AMBRA1: variants seen among roughly 807,000 people sequenced by gnomAD.
AMBRA1 encodes the protein autophagy and beclin 1 regulator 1.
In AMBRA1, 47 loss-of-function variants were observed where a neutral mutation model predicts 125.4. That is an observed-to-expected ratio of 0.37 (90% confidence interval 0.30 to 0.48). The LOEUF (loss-of-function observed/expected upper bound fraction) is 0.48, where lower values mean the gene tolerates loss of function less well. Ranked by LOEUF, AMBRA1 falls within the 20% of genes least tolerant of loss-of-function variation. AMBRA1 has a pLI of 0.99. For synonymous variants in AMBRA1, 626 were observed against 655.5 expected (o/e 0.95, Z 0.69); for missense variants, 1,331 against 1,693.4 (o/e 0.79, Z 3.76).
chr11:46,467,353 T>C (rs1348138994), intron 11 of AMBRA1, among the ~76,000 whole-genome samples: 1 of 152,228 alleles, frequency 6.6e-6, no homozygotes, highest in African/African-American at 2.4e-5. Flanking sequence ...TTATTTACAG[T>C]ATTATAACTA....
At chr11:46,591,624 A>G (rs2044596736) in intron 1 of AMBRA1, among the ~76,000 whole-genome samples, 1 of 152,118 alleles carries the variant, frequency 6.6e-6, no homozygotes, top group African/African-American at 2.4e-5. Context: ...TGGGAGGCCA[A>G]GGCAGGTGGA....
chr11:46,499,804 C>A (rs561630883), intron 9 of AMBRA1, among the ~76,000 whole-genome samples: 4 of 151,996 alleles, frequency 2.6e-5, no homozygotes, highest in Non-Finnish European at 5.9e-5. Flanking sequence ...TACAGGCGCC[C>A]GCCACCACGC....
At chr11:46,457,321 A>T (rs892662288) in intron 11 of AMBRA1, among the ~76,000 whole-genome samples, 4 of 152,190 alleles carry the variant, frequency 2.6e-5, no homozygotes, top group Non-Finnish European at 5.9e-5. Context: ...AGGGCTAACA[A>T]ATCCCACAGA....
intron 1 of AMBRA1, among the ~76,000 whole-genome samples, chr11:46,551,321 AT>A (rs2042989584): frequency 6.6e-6 from 1 of 151,834 alleles, no homozygotes; most frequent in Non-Finnish European, 1.5e-5. Flanking sequence ...CTTTATTTTT[AT>A]TTTTTAAAGA....
intron 1 of AMBRA1, among the ~76,000 whole-genome samples, chr11:46,578,863 C>T (rs1314740627): frequency 2.8e-5 from 3 of 105,548 alleles, no homozygotes; most frequent in African/African-American, 7.5e-5. Context: ...CCAGCCTGGG[C>T]GACAGAGAGA....
chr11:46,427,246 A>G (rs1947184598), intron 14 of AMBRA1, among the ~76,000 whole-genome samples: 1 of 152,166 alleles, frequency 6.6e-6, no homozygotes, highest in African/African-American at 2.4e-5. Flanking sequence ...CTAAGCCACA[A>G]CTATAGTTAC....
chr11:46,486,998 C>A (rs1950291587), intron 11 of AMBRA1, among the ~76,000 whole-genome samples: 1 of 147,528 alleles, frequency 6.8e-6, no homozygotes, highest in South Asian at 2.2e-4. Flanking sequence ...TGGCTAACAC[C>A]TGTAATCCCA....
chr11:46,409,170 G>A (rs1486128620), intron 16 of AMBRA1, among the ~76,000 whole-genome samples: 1 of 151,942 alleles, frequency 6.6e-6, no homozygotes, highest in Non-Finnish European at 1.5e-5. Context: ...ATTTGCAAGT[G>A]AACTGAGAAC....
intron 14 of AMBRA1, among the ~76,000 whole-genome samples, chr11:46,427,352 T>C (rs1213122770): frequency 1.3e-5 from 2 of 152,210 alleles, no homozygotes; most frequent in Non-Finnish European, 2.9e-5. Flanking sequence ...CATTAGTCTC[T>C]GTAAGGATGG....
chr11:46,463,924 G>C (rs1197071019), intron 11 of AMBRA1, among the ~76,000 whole-genome samples: 2 of 152,212 alleles, frequency 1.3e-5, no homozygotes, highest in African/African-American at 2.4e-5. Context: ...CCTCTGCAAG[G>C]CTCTTGCCTT....
At chr11:46,569,554 T>A (rs1173134040) in intron 1 of AMBRA1, among the ~76,000 whole-genome samples, 3 of 151,404 alleles carry the variant, frequency 2.0e-5, no homozygotes, top group Admixed American at 6.6e-5. Flanking sequence ...GATAGCTGAG[T>A]TAGCCATATT....
At chr11:46,529,811 A>G (rs770053483) in intron 7 of AMBRA1, among the ~76,000 whole-genome samples, 1 of 152,220 alleles carries the variant, frequency 6.6e-6, no homozygotes, top group African/African-American at 2.4e-5. Context: ...ACTATTTTGC[A>G]ATATCTTGGT....
intron 7 of AMBRA1, among the ~76,000 whole-genome samples, chr11:46,541,588 T>C (rs1952743559): frequency 6.6e-6 from 1 of 152,344 alleles, no homozygotes; most frequent in South Asian, 2.1e-4. Flanking sequence ...CTGGGACTAC[T>C]ACAATAAGTA....
intron 1 of AMBRA1, among the ~76,000 whole-genome samples, chr11:46,561,046 A>G (rs767643136): frequency 1.3e-5 from 2 of 152,056 alleles, no homozygotes; most frequent in African/African-American, 4.8e-5. Context: ...GGAGCACCAC[A>G]TTGCCCCCAA....
chr11:46,503,857 G>A (rs961812045), intron 9 of AMBRA1, among the ~76,000 whole-genome samples: 4 of 152,136 alleles, frequency 2.6e-5, no homozygotes, highest in Admixed American at 6.6e-5. Flanking sequence ...TTCTGTGCCA[G>A]CAACAGTCTT....
At chr11:46,409,269 C>T (rs1946173362) in intron 16 of AMBRA1, among the ~76,000 whole-genome samples, 1 of 151,778 alleles carries the variant, frequency 6.6e-6, no homozygotes, top group South Asian at 2.1e-4. Context: ...GGCGCAATCT[C>T]AGCTCACTGC....
intron 11 of AMBRA1, among the ~76,000 whole-genome samples, chr11:46,485,889 TA>T (rs1387337600): frequency 6.6e-6 from 1 of 152,188 alleles, no homozygotes; most frequent in African/African-American, 2.4e-5. Context: ...TCACTAGTGG[TA>T]TAAGATAAGG....
At chr11:46,486,954 T>TAA (rs1950289787) in intron 11 of AMBRA1, among the ~76,000 whole-genome samples, 1 of 139,216 alleles carries the variant, frequency 7.2e-6, no homozygotes. Flanking sequence ...AATAAATAAA[T>TAA]ACAAATAAAA....
rs144763816 is a variant in AMBRA1 at position 46,556,827 on chromosome 11, G to A, written c.-120-8327C>T. On this transcript the variant is annotated intron_variant, in intron 1 of 17. Transcript: ENST00000683756. ...TAGAATAATAGCTTCATTCTGTAAT[G>A]AAGAATTAGTATGAAAATGGTAATA... Among the ~76,000 whole-genome samples, 410 of 152,274 alleles carry A rather than the reference G, an allele frequency of 2.7e-3. 2 individuals carry two copies. The highest frequency in any genetic ancestry group is 9.5e-3 in the African/African-American group (396 of 41,568).
Sources: gnomAD v4.1 joint callset for allele counts (sites outside exome capture counted in the v4.1 genomes callset) on GRCh38, gnomAD v4.1.1 for gene constraint, MANE v1.5 for transcripts, NCBI Gene and HGNC (gene_info 2026-07-23, HGNC 2026-07-21) for gene names.